Variants in NBR1 observed in about 807,000 individuals in gnomAD.
NBR1 encodes next to BRCA1 gene 1 protein.
In NBR1, 59 loss-of-function variants were observed where a neutral mutation model predicts 115.5. The observed-to-expected ratio is 0.51, with a 90% confidence interval of 0.41 to 0.63. The LOEUF (loss-of-function observed/expected upper bound fraction) is 0.63, where lower values mean the gene tolerates loss of function less well. NBR1 is among the 30% of genes least tolerant of loss of function. The pLI is 0.00. For missense variants in NBR1, 1,043 were observed against 1,150.5 expected (o/e 0.91, Z 1.35); for synonymous variants, 373 against 414.7 (o/e 0.90, Z 1.22).
chr17:43,187,147 G>A (rs1320293374), intron 6 of NBR1, among the ~76,000 whole-genome samples: 1 of 152,106 alleles, frequency 6.6e-6, no homozygotes, highest in African/African-American at 2.4e-5. Context: ...CAGTGTAAAA[G>A]CATTCTATTT....
chr17:43,186,783 TC>T (rs2056813868), intron 6 of NBR1, among the ~76,000 whole-genome samples: 1 of 152,122 alleles, frequency 6.6e-6, no homozygotes, highest in African/African-American at 2.4e-5. Context: ...GGTTTTCTGT[TC>T]CTGAGTTAGT....
intron 1 of NBR1, among the ~76,000 whole-genome samples, chr17:43,175,354 T>TA (rs899326111): frequency 2.2e-4 from 33 of 152,322 alleles, no homozygotes; most frequent in African/African-American, 7.9e-4. Context: ...TTATCTCTCT[T>TA]ATCCATGTTG....
chr17:43,177,306 T>C (rs552731785), intron 2 of NBR1, among the ~76,000 whole-genome samples: 41 of 149,834 alleles, frequency 2.7e-4, no homozygotes, highest in African/African-American at 9.2e-4. Context: ...TTCGTTTTTT[T>C]TTTTTCTTAT....
intron 14 of NBR1, 81 bp from the exon 15 acceptor site, chr17:43,196,400 C>T (rs887219499): frequency 5.9e-6 from 5 of 851,026 alleles, no homozygotes; most frequent in Non-Finnish European, 8.8e-6. Context: ...AAGAAGCCTA[C>T]AAACTGCTAC....
intron 7 of NBR1, 76 bp from the exon 8 acceptor site, chr17:43,189,512 A>G: frequency 2.0e-6 from 2 of 998,470 alleles, no homozygotes; most frequent in Non-Finnish European, 3.1e-6. Flanking sequence ...GTTAGGTTTC[A>G]GATCTATTGA....
chr17:43,187,886 C>CTTTTT (rs66857389), intron 6 of NBR1, among the ~76,000 whole-genome samples: 10 of 58,908 alleles, frequency 1.7e-4, no homozygotes, highest in Admixed American at 2.7e-4. Flanking sequence ...TTGCATTTCT[C>CTTTTT]TTTTTTTTTT....
At chr17:43,186,558 T>C (rs1281006409) in intron 6 of NBR1, 114 bp downstream of exon 6, 8 of 892,754 alleles carry the variant, frequency 9.0e-6, no homozygotes, top group Middle Eastern at 3.5e-4. Context: ...CTGAGATACA[T>C]GTGCAGAATG....
chr17:43,205,507 T>C (rs930404396), intron 20 of NBR1, among the ~76,000 whole-genome samples: 2 of 152,086 alleles, frequency 1.3e-5, no homozygotes, highest in African/African-American at 4.8e-5. Flanking sequence ...AAGGGTATTG[T>C]AGACAGTGTA....
At chr17:43,175,272 CCTT>C (rs1436194896) in intron 1 of NBR1, among the ~76,000 whole-genome samples, 2 of 152,154 alleles carry the variant, frequency 1.3e-5, no homozygotes, top group Admixed American at 6.5e-5. Flanking sequence ...GGACAACCCT[CCTT>C]CTGCAAGAAA....
intron 10 of NBR1, among the ~76,000 whole-genome samples, chr17:43,192,358 G>GT (rs1451131965): frequency 5.3e-5 from 8 of 150,752 alleles, no homozygotes; most frequent in African/African-American, 1.9e-4. Context: ...TGGTTTGGTA[G>GT]TTTTTTGTTT....
intron 5 of NBR1, among the ~76,000 whole-genome samples, chr17:43,182,366 C>T (rs972749720): frequency 4.0e-5 from 6 of 151,124 alleles, no homozygotes; most frequent in East Asian, 3.9e-4. Context: ...TACAGGTGTG[C>T]GCCACCACAC....
At chr17:43,188,135 C>G (rs35579751) in intron 6 of NBR1, among the ~76,000 whole-genome samples, 1,685 of 152,112 alleles carry the variant, frequency 0.011, 38 homozygotes, top group African/African-American at 0.039. Flanking sequence ...CGTGGTCCAC[C>G]CGCCTCAGCC....
chr17:43,187,130 C>T (rs1274410097), intron 6 of NBR1, among the ~76,000 whole-genome samples: 2 of 152,174 alleles, frequency 1.3e-5, no homozygotes, highest in African/African-American at 4.8e-5. Flanking sequence ...ATTTACACTC[C>T]CACCAACAGT....
chr17:43,171,010 C>T (rs1182871688), upstream of NBR1: 2 of 152,224 alleles, frequency 1.3e-5, no homozygotes, highest in Non-Finnish European at 2.9e-5. Context: ...CGCTCTGGCC[C>T]ACATCTGCGC....
rs1184848028 is a variant in NBR1 at position 43,210,365 on chromosome 17, C to G, written c.*291C>G. 1 of 392,726 alleles carries G rather than the reference C, an allele frequency of 2.5e-6. No individual in the cohort carries two copies. The highest frequency in any genetic ancestry group is 3.6e-5 in the East Asian group (1 of 27,604). The allele number at this position is 392,726 out of a possible 1,614,324, so 24.3% of individuals were successfully genotyped here. A position where few individuals can be genotyped will look rare whatever the true frequency, so the allele number is the denominator to read the frequency against. On this transcript the variant is annotated 3_prime_UTR_variant, in exon 21 of 21. Coordinates refer to ENST00000590996, the MANE Select transcript of NBR1 (RefSeq NM_005899.5). ...GTGTAACTTCAACTTCATATAGAAC[C>G]ATTTTTCTTTCTGCTTTTATTGAAA...
chr17:43,189,954 C>A, intron 8 of NBR1, 152 bp downstream of exon 8: 1 of 669,840 alleles, frequency 1.5e-6, no homozygotes, highest in Non-Finnish European at 2.6e-6. Context: ...TACTCTTCAC[C>A]CACATGCTTT....
At chr17:43,204,198 A>C (rs1020587228) in intron 20 of NBR1, among the ~76,000 whole-genome samples, 1 of 151,736 alleles carries the variant, frequency 6.6e-6, no homozygotes, top group Non-Finnish European at 1.5e-5. Flanking sequence ...TCAGCCTCCC[A>C]AAGTGCTGGG....
intron 8 of NBR1, 74 bp from the exon 9 acceptor site, chr17:43,190,535 G>A (rs1567855491): frequency 4.0e-6 from 6 of 1,494,958 alleles, no homozygotes; most frequent in Non-Finnish European, 5.4e-6. Flanking sequence ...AAACATAGAA[G>A]TATGGTCTTA....
chr17:43,185,533 C>T (rs1053756916), intron 5 of NBR1, among the ~76,000 whole-genome samples: 1 of 151,914 alleles, frequency 6.6e-6, no homozygotes, highest in Non-Finnish European at 1.5e-5. Flanking sequence ...ACTCCTGTCT[C>T]CAAACTAAAA....
Sources: gnomAD v4.1 joint callset for allele counts (sites outside exome capture counted in the v4.1 genomes callset) on GRCh38, gnomAD v4.1.1 for gene constraint, MANE v1.5 for transcripts, NCBI Gene and HGNC (gene_info 2026-07-23, HGNC 2026-07-21) for gene names.